Variants in BFSP2 observed in about 807,000 individuals in gnomAD.
BFSP2 encodes phakinin.
BFSP2 carries 38 observed loss-of-function variants against 44.9 expected under a neutral mutation model. That is an observed-to-expected ratio of 0.85 (90% confidence interval 0.65 to 1.11). The LOEUF is 1.11. Ranked by LOEUF, BFSP2 falls within the 50% of genes least tolerant of loss-of-function variation. The probability of loss-of-function intolerance (pLI) is 0.00; values close to 1 mark genes in which losing one functional copy is unlikely to be tolerated. For synonymous variants in BFSP2, 197 were observed against 209.9 expected (o/e 0.94, Z 0.53); for missense variants, 525 against 533.0 (o/e 0.99, Z 0.15).
chr3:133,431,471 C>T (rs2073717324), intron 1 of BFSP2, among the ~76,000 whole-genome samples: 1 of 152,156 alleles, frequency 6.6e-6, no homozygotes, highest in East Asian at 1.9e-4. Context: ...TAAGCCGTGT[C>T]CCATCTGTGC....
intron 1 of BFSP2, among the ~76,000 whole-genome samples, chr3:133,425,990 C>A (rs146089078): frequency 0.026 from 34 of 1,312 alleles, 12 homozygotes; most frequent in East Asian, 0.045. Context: ...GAAGGCAGGG[C>A]AGGGCAGGGC....
rs369082319 is a variant in BFSP2, at chr3:133,448,465, C to T, written c.573-24C>T. On this transcript the variant is annotated intron_variant, in intron 2 of 6. Coordinates refer to ENST00000302334, the MANE Select transcript of BFSP2 (RefSeq NM_003571.4). Reference sequence around the variant, plus strand: ...TTTTCTTTTGGGCTACTCAGTTATGCTAATTAAGTTCCTTTATCTGCAGAT... The same window carrying T: ...TTTTCTTTTGGGCTACTCAGTTATGTTAATTAAGTTCCTTTATCTGCAGAT... The T allele has an allele frequency of 3.1e-6, 5 of 1,612,898 alleles. No homozygotes were observed. In the African/African-American group the frequency reaches 6.7e-5, roughly 22 times the overall value.
intron 1 of BFSP2, among the ~76,000 whole-genome samples, chr3:133,408,169 G>A (rs1411445449): frequency 6.6e-6 from 1 of 151,954 alleles, no homozygotes; most frequent in African/African-American, 2.4e-5. Flanking sequence ...TAAAATTTGA[G>A]GTTAAAAAAA....
chr3:133,470,331 A>C (rs1463587427), intron 5 of BFSP2, among the ~76,000 whole-genome samples: 1 of 152,312 alleles, frequency 6.6e-6, no homozygotes, highest in East Asian at 1.9e-4. Context: ...TCGTGACAGA[A>C]TTTTCTGTTT....
At chr3:133,454,611 T>A (rs1389828183) in intron 4 of BFSP2, among the ~76,000 whole-genome samples, 2 of 152,280 alleles carry the variant, frequency 1.3e-5, no homozygotes, top group East Asian at 3.9e-4. Flanking sequence ...TGCAGAGGGA[T>A]AAGTAGATAG....
intron 1 of BFSP2, among the ~76,000 whole-genome samples, chr3:133,417,509 A>C (rs1576564276): frequency 5.2e-5 from 3 of 57,736 alleles, no homozygotes; most frequent in Non-Finnish European, 9.3e-5. Flanking sequence ...CCCTCTACTC[A>C]TCCCTTCCCT....
intron 1 of BFSP2, among the ~76,000 whole-genome samples, chr3:133,421,441 C>A (rs2073591429): frequency 6.6e-6 from 1 of 152,230 alleles, no homozygotes; most frequent in African/African-American, 2.4e-5. Flanking sequence ...CCTTCCTTGG[C>A]CCGTAGATGC....
intron 1 of BFSP2, among the ~76,000 whole-genome samples, chr3:133,432,608 A>T (rs1413072165): frequency 6.6e-6 from 1 of 152,058 alleles, no homozygotes; most frequent in Non-Finnish European, 1.5e-5. Context: ...CCCTCCTTTG[A>T]ATCTTCTCAA....
intron 1 of BFSP2, chr3:133,410,404 A>T: frequency 3.3e-6 from 1 of 306,696 alleles, no homozygotes; most frequent in South Asian, 3.2e-5. Context: ...GAAAAATGTC[A>T]GCATGGATCA....
At chr3:133,411,481 C>T (rs1320327349) in intron 1 of BFSP2, among the ~76,000 whole-genome samples, 1 of 152,038 alleles carries the variant, frequency 6.6e-6, no homozygotes, top group Non-Finnish European at 1.5e-5. Flanking sequence ...GACCAGCAGC[C>T]GTTCTGCATC....
At chr3:133,450,225 C>T in intron 3 of BFSP2, 78 bp from the exon 4 acceptor site, 1 of 1,525,704 alleles carries the variant, frequency 6.6e-7, no homozygotes, top group South Asian at 1.1e-5. Flanking sequence ...GCCCACAGAG[C>T]TGGTTTTCTG....
At chr3:133,425,588 G>A (rs1419892002) in intron 1 of BFSP2, among the ~76,000 whole-genome samples, 3 of 152,084 alleles carry the variant, frequency 2.0e-5, no homozygotes, top group African/African-American at 4.8e-5. Flanking sequence ...GAAATAGAAT[G>A]TCCAGTTGAT....
intron 5 of BFSP2, among the ~76,000 whole-genome samples, chr3:133,468,567 A>C (rs1025535066): frequency 2.0e-5 from 3 of 151,850 alleles, no homozygotes; most frequent in Non-Finnish European, 4.4e-5. Flanking sequence ...CCCTGTGACC[A>C]CTCCGTGTAG....
Position 133,416,250 on chromosome 3 carries a change from C to T in BFSP2, c.489+15678C>T, listed in dbSNP as rs565514966. On this transcript the variant is annotated intron_variant, in intron 1 of 6. Transcript: ENST00000302334. Reference sequence around the variant, plus strand: ...ACCCCTCTACTCAACCCTGCCCTCTCCCCTGTCCTCTCTCCTCTACTCACC... The same window carrying T: ...ACCCCTCTACTCAACCCTGCCCTCTTCCCTGTCCTCTCTCCTCTACTCACC... 1.6e-3 allele frequency among the ~76,000 whole-genome samples: 234 copies of T among 143,982 alleles called. 3 individuals carry two copies. The highest frequency in any genetic ancestry group is 5.8e-3 in the African/African-American group (215 of 36,960). 94.5% of individuals were successfully genotyped at this position (143,982 alleles called of 152,430 possible).
rs140944960 is a variant in BFSP2 at position 133,450,304 on chromosome 3, A to G, written c.731A>G (p.Asp244Gly). ...TAAGATGTATATTGTTGTTTTCAGG[A>G]TGTGAAGCTGCTGCACAAACAGTTG... is the stretch of plus-strand genomic sequence containing the variant. The part of the protein sequence containing the change: ...LGSLSRNYEE[D>G]VKLLHKQLAG... Residue 244 changes from aspartate (D) to glycine (G), a missense_variant and splice_region_variant, in exon 4 of 7, where the codon GAT (aspartate) becomes GGT (glycine). Physicochemically the swap from Asp to Gly is moderately conservative, Grantham distance 94. Coordinates refer to ENST00000302334, the MANE Select transcript of BFSP2 (RefSeq NM_003571.4). 3 of 1,614,042 alleles carry G rather than the reference A, an allele frequency of 1.9e-6. No individual in the cohort carries two copies. The African/African-American group carries it at 4.0e-5, about 22-fold the overall frequency.
At chr3:133,417,801 C>T (rs528568028) in intron 1 of BFSP2, among the ~76,000 whole-genome samples, 1 of 143,606 alleles carries the variant, frequency 7.0e-6, no homozygotes, top group Admixed American at 6.8e-5. Flanking sequence ...AGACCCTATC[C>T]TCTCCATTTT....
chr3:133,430,137 T>G (rs2073697614), intron 1 of BFSP2, among the ~76,000 whole-genome samples: 1 of 152,120 alleles, frequency 6.6e-6, no homozygotes, highest in Admixed American at 6.5e-5. Context: ...TGCCACATTT[T>G]CTTAATCCAG....
intron 1 of BFSP2, among the ~76,000 whole-genome samples, chr3:133,428,397 T>C (rs1390038525): frequency 1.3e-5 from 2 of 151,562 alleles, no homozygotes; most frequent in African/African-American, 4.9e-5. Context: ...TCTGGGGCCC[T>C]AGGGCACTGC....
chr3:133,403,358 T>TC (rs947661776), intron 1 of BFSP2, among the ~76,000 whole-genome samples: 6 of 151,858 alleles, frequency 4.0e-5, no homozygotes, highest in South Asian at 2.1e-4. Flanking sequence ...AGCTGCCTCT[T>TC]CCCCCCCTTG....
Sources: gnomAD v4.1 joint callset for allele counts (sites outside exome capture counted in the v4.1 genomes callset) on GRCh38, gnomAD v4.1.1 for gene constraint, MANE v1.5 for transcripts, NCBI Gene and HGNC (gene_info 2026-07-23, HGNC 2026-07-21) for gene names.